Variants in TANGO6 observed in about 807,000 individuals in gnomAD.
The protein encoded by TANGO6 is transport and Golgi organization protein 6 homolog.
A neutral mutation model predicts 114.2 loss-of-function variants in TANGO6; 90 were observed. The ratio of observed to expected loss-of-function variants is 0.79; its 90% confidence interval spans 0.66 to 0.94. The LOEUF (loss-of-function observed/expected upper bound fraction) is 0.94, where lower values mean the gene tolerates loss of function less well. Ranked by LOEUF, TANGO6 falls within the 40% of genes least tolerant of loss-of-function variation. The probability of loss-of-function intolerance (pLI) is 0.00; values close to 1 mark genes in which losing one functional copy is unlikely to be tolerated. For missense variants in TANGO6, 1,274 were observed against 1,315.3 expected, an observed-to-expected ratio of 0.97 and a Z score of 0.49; for synonymous variants, 477 against 509.8, an observed-to-expected ratio of 0.94 and a Z score of 0.87.
At chr16:68,873,533 C>CA (rs36006095) in intron 4 of TANGO6, among the ~76,000 whole-genome samples, 42,900 of 151,918 alleles carry the variant, frequency 0.28, 7,385 homozygotes, top group South Asian at 0.4. Flanking sequence ...AGGCTGGTCT[C>CA]AAACGCCTGA....
intron 15 of TANGO6, among the ~76,000 whole-genome samples, chr16:68,982,719 A>C (rs1210891147): frequency 7.7e-6 from 1 of 129,250 alleles, no homozygotes; most frequent in African/African-American, 3.0e-5. Flanking sequence ...CAATCCTCCC[A>C]CCTCGGCCTC....
chr16:68,951,503 A>G lies in TANGO6; in HGVS notation c.2701+21208A>G, dbSNP rs568307972. On this transcript the variant is annotated intron_variant, in intron 14 of 17. Transcript: ENST00000261778. ...CAACTGCTTGGCCAACCAGTATGTA[A>G]TAGAGGCTGGATTCAACTCCAAAGC... 1.9e-3 allele frequency among the ~76,000 whole-genome samples: 286 copies of G among 152,232 alleles called. 2 individuals carry two copies. The highest frequency in any genetic ancestry group is 3.2e-3 in the Non-Finnish European group (217 of 68,018).
chr16:68,871,958 G>A (rs143881889), intron 4 of TANGO6, among the ~76,000 whole-genome samples: 108 of 152,254 alleles, frequency 7.1e-4, no homozygotes, highest in Middle Eastern at 6.8e-3. Flanking sequence ...TGGGCCAGGC[G>A]CAGTGGCTCA....
intron 1 of TANGO6, among the ~76,000 whole-genome samples, chr16:68,845,255 A>G (rs1248458903): frequency 2.0e-5 from 3 of 152,154 alleles, no homozygotes; most frequent in African/African-American, 7.2e-5. Context: ...GGCCTGAGCC[A>G]CTACACCTGG....
At chr16:69,060,027 T>G (rs1274354454) in intron 17 of TANGO6, among the ~76,000 whole-genome samples, 2 of 152,190 alleles carry the variant, frequency 1.3e-5, no homozygotes, top group East Asian at 3.8e-4. Flanking sequence ...GCCATCCTGA[T>G]TCCTGCCTCC....
At position 68,860,213 on chromosome 16, in the gene TANGO6, CAGA is replaced by C. The variant is rs978028842; in HGVS notation, c.428_430del (p.Lys143del). ...CCCCGATGCACTTAGTATCTCACAA[CAGA>C]AGACTGTCCAGTTCGTTTTGCAGTT... On this transcript the variant is annotated inframe_deletion, in exon 2 of 18. Transcript: ENST00000261778. 3.7e-6 allele frequency: 6 copies of C among 1,614,032 alleles called. No homozygotes were observed. In the African/African-American group the frequency reaches 6.7e-5, roughly 18 times the overall value.
intron 14 of TANGO6, among the ~76,000 whole-genome samples, chr16:68,946,943 C>T (rs766921597): frequency 4.6e-5 from 7 of 152,124 alleles, no homozygotes; most frequent in Non-Finnish European, 8.8e-5. Context: ...TGATCCATTT[C>T]GAGCTAATTT....
At chr16:68,942,406 A>G (rs1567545125) in intron 14 of TANGO6, among the ~76,000 whole-genome samples, 1 of 152,188 alleles carries the variant, frequency 6.6e-6, no homozygotes, top group African/African-American at 2.4e-5. Flanking sequence ...ACATAAGGCA[A>G]TGCAGAAAAT....
intron 1 of TANGO6, among the ~76,000 whole-genome samples, chr16:68,854,639 C>A (rs62055798): frequency 2.0e-5 from 3 of 148,074 alleles, no homozygotes; most frequent in South Asian, 4.2e-4. Context: ...TTTTTTTCCC[C>A]ATGTGGATAT....
chr16:68,962,808 G>A (rs1045100486), intron 14 of TANGO6, among the ~76,000 whole-genome samples: 11 of 151,904 alleles, frequency 7.2e-5, no homozygotes, highest in East Asian at 3.9e-4. Context: ...GCGGCCGGGC[G>A]CGGTGGCTCA....
intron 17 of TANGO6, among the ~76,000 whole-genome samples, chr16:69,066,588 C>T (rs567772672): frequency 6.6e-6 from 1 of 152,260 alleles, no homozygotes; most frequent in East Asian, 1.9e-4. Context: ...TAAGCCACCG[C>T]GCCCGGACTT....
chr16:69,053,430 C>A (rs542608457), intron 17 of TANGO6, among the ~76,000 whole-genome samples: 1 of 152,188 alleles, frequency 6.6e-6, no homozygotes, highest in South Asian at 2.1e-4. Flanking sequence ...ACATCTGTTA[C>A]TTTTCTATGA....
chr16:68,853,011 A>G lies in TANGO6; in HGVS notation c.95-6873A>G, dbSNP rs1265974305. Among the ~76,000 whole-genome samples the G allele has an allele frequency of 2.6e-5, 4 of 152,184 alleles. No homozygotes were observed. In the East Asian group the frequency reaches 7.7e-4, roughly 29 times the overall value. On this transcript the variant is annotated intron_variant, in intron 1 of 17. Coordinates refer to ENST00000261778, the MANE Select transcript of TANGO6 (RefSeq NM_024562.2). Reference sequence around the variant, plus strand: ...GATGCGTTCAAAGTAAGTTGCAGATATCAGTACATTTTAGCCATAAACACT... The same window carrying G: ...GATGCGTTCAAAGTAAGTTGCAGATGTCAGTACATTTTAGCCATAAACACT...
Position 69,053,926 on chromosome 16 carries a change from A to G in TANGO6, c.3108+13505A>G, listed in dbSNP as rs748700410. ...AAAAATACAAAAAAATTAGCCAGGTATGGTGGCAGGGGCCTGTAATCCCAG... is the reference window on the plus strand; with the variant it reads ...AAAAATACAAAAAAATTAGCCAGGTGTGGTGGCAGGGGCCTGTAATCCCAG... On this transcript the variant is annotated intron_variant, in intron 17 of 17. Transcript: ENST00000261778. 3.9e-5 allele frequency among the ~76,000 whole-genome samples: 6 copies of G among 152,126 alleles called. No individual in the cohort carries two copies. In the East Asian group the frequency reaches 1.2e-3, roughly 29 times the overall value.
intron 14 of TANGO6, among the ~76,000 whole-genome samples, chr16:68,957,542 C>T (rs1031340275): frequency 1.7e-4 from 26 of 151,830 alleles, no homozygotes; most frequent in Non-Finnish European, 2.5e-4. Flanking sequence ...GGATTACAAG[C>T]GCCCAGCACC....
chr16:68,967,294 A>G (rs934767866), intron 14 of TANGO6, among the ~76,000 whole-genome samples: 7 of 152,110 alleles, frequency 4.6e-5, no homozygotes, highest in Non-Finnish European at 8.8e-5. Context: ...GGAGCACACA[A>G]CCTAGATCCC....
intron 14 of TANGO6, among the ~76,000 whole-genome samples, chr16:68,941,570 C>T (rs1284937854): frequency 2.0e-5 from 3 of 151,884 alleles, no homozygotes; most frequent in Non-Finnish European, 4.4e-5. Flanking sequence ...ATGGTGAAAA[C>T]CCCATCTCTA....
intron 1 of TANGO6, among the ~76,000 whole-genome samples, chr16:68,845,243 C>T (rs1172288795): frequency 6.6e-6 from 1 of 152,154 alleles, no homozygotes. Flanking sequence ...GCTGGGATTA[C>T]AGGCCTGAGC....
intron 14 of TANGO6, among the ~76,000 whole-genome samples, chr16:68,935,240 T>A (rs1037749391): frequency 1.4e-4 from 22 of 152,144 alleles, no homozygotes; most frequent in Admixed American, 1.4e-3. Context: ...CTGGTTGTGG[T>A]TTGAGTAGCA....
Sources: gnomAD v4.1 joint callset for allele counts (sites outside exome capture counted in the v4.1 genomes callset) on GRCh38, gnomAD v4.1.1 for gene constraint, MANE v1.5 for transcripts, NCBI Gene and HGNC (gene_info 2026-07-23, HGNC 2026-07-21) for gene names.